The following TSC2 variants were observed in gnomAD, a reference collection of about 807,000 sequenced individuals.
TSC2 encodes the protein TSC complex subunit 2, also known as tuberin.
TSC2 carries 29 observed loss-of-function variants against 202.2 expected under a neutral mutation model. The observed-to-expected ratio is 0.14, with a 90% confidence interval of 0.11 to 0.20. The LOEUF (loss-of-function observed/expected upper bound fraction) is 0.20. TSC2 is among the 10% of genes least tolerant of loss of function. TSC2 has a pLI of 1.00. For missense variants in TSC2, 2,429 were observed against 2,420.0 expected (o/e 1.00, Z -0.08); for synonymous variants, 1,349 against 1,044.0 (o/e 1.29, Z -5.63).
intron 12 of TSC2, 132 bp from the exon 13 acceptor site, chr16:2,062,365 G>T (rs890282483): frequency 3.5e-5 from 30 of 868,340 alleles, no homozygotes; most frequent in Non-Finnish European, 5.2e-5. Flanking sequence ...GTGCCTTTGT[G>T]TCTGGGCTGT....
At chr16:2,086,057 T>C (rs907800914) in intron 36 of TSC2, 136 bp from the exon 37 acceptor site, 19 of 1,009,920 alleles carry the variant, frequency 1.9e-5, no homozygotes, top group Non-Finnish European at 2.5e-5. Flanking sequence ...CCTGGGTGGC[T>C]GCTGGAATGG....
intron 12 of TSC2, 38 bp from the exon 13 acceptor site, chr16:2,062,459 G>A (rs1192415740): frequency 2.6e-6 from 4 of 1,567,570 alleles, no homozygotes; most frequent in African/African-American, 1.4e-5. Context: ...GAGAGCGCCG[G>A]AGGGGCAGAG....
In TSC2 at chr16:2,080,159, C is replaced by T. The variant is rs1555511284; in HGVS notation, c.3398-6C>T. The T allele has an allele frequency of 6.2e-7, 1 of 1,612,914 alleles. No homozygotes were observed. The highest frequency in any genetic ancestry group is 1.7e-4 in the Middle Eastern group (1 of 6,060). On this transcript the variant is annotated splice_polypyrimidine_tract_variant and splice_region_variant and intron_variant, in intron 29 of 41. Transcript: ENST00000219476. ...GTGGTCACCAGTCCTCTGCCCTCTTCTTCAGGGGGCCATGGTCTTCGAGTT... is the reference window on the plus strand; with the variant it reads ...GTGGTCACCAGTCCTCTGCCCTCTTTTTCAGGGGGCCATGGTCTTCGAGTT...
At chr16:2,072,731 C>A (rs1202320507) in intron 20 of TSC2, 118 bp from the exon 21 acceptor site, 3 of 1,546,030 alleles carry the variant, frequency 1.9e-6, no homozygotes, top group African/African-American at 2.7e-5. Context: ...GGCAAGAAGG[C>A]TCCCCAGCCC....
chr16:2,077,616 C>A lies in TSC2; in HGVS notation c.2856C>A (p.Pro952=), dbSNP rs876660401. ...CCGATAGTCTGAGGATAGCCAGACC[C>A]CCCAAACAAGGCTTGAATAACTCTC... ...ERPKSLRIAR[P]PKQGLNNSPP... The change falls in exon 26 of 42, where the codon CCC becomes CCA. Residue 952 remains proline, a synonymous_variant. Coordinates refer to ENST00000219476, the MANE Select transcript of TSC2 (RefSeq NM_000548.5). The A allele has an allele frequency of 1.2e-6, 2 of 1,613,208 alleles. No homozygotes were observed. The highest frequency in any genetic ancestry group is 2.2e-5 in the South Asian group (2 of 91,084).
rs2091230387 is a variant in TSC2 at position 2,088,652 on chromosome 16, C to CCTGT, written c.*44_*47dup. The CCTGT allele has an allele frequency of 4.4e-6, 7 of 1,575,382 alleles. No individual in the cohort carries two copies. The highest frequency in any genetic ancestry group is 2.7e-5 in the African/African-American group (2 of 73,988). On this transcript the variant is annotated 3_prime_UTR_variant, in exon 42 of 42. Coordinates refer to ENST00000219476, the MANE Select transcript of TSC2 (RefSeq NM_000548.5). ...CCTGCACTGGCCTTGGACGGTATTG[C>CCTGT]CTGTCAGTGAAATAAATAAAGTCCT...
At chr16:2,083,312 G>A (rs569312295) in intron 32 of TSC2, 67 of 460,922 alleles carry the variant, frequency 1.5e-4, no homozygotes, top group East Asian at 2.4e-4. Flanking sequence ...CCCACGTCAC[G>A]GAGTCTCCGC....
chr16:2,054,242 A>G, intron 4 of TSC2, 54 bp from the exon 5 acceptor site: 1 of 1,613,352 alleles, frequency 6.2e-7, no homozygotes, highest in Admixed American at 1.7e-5. Flanking sequence ...ACTTCTTGGC[A>G]GCCGTGTGGG....
At position 2,076,446 on chromosome 16, in the gene TSC2, C is replaced by G. The variant is rs781529854; in HGVS notation, c.2743-45C>G. 2.5e-6 allele frequency: 4 copies of G among 1,609,428 alleles called. No individual in the cohort carries two copies. In the East Asian group the frequency reaches 6.7e-5, roughly 27 times the overall value. On this transcript the variant is annotated intron_variant, in intron 24 of 41. Transcript: ENST00000219476. ...CGGCAGGCCTGGTGAGGGCCTCCAG[C>G]CCCCATTGCCACCCCTCACTGTCTG...
intron 25 of TSC2, 179 bp from the exon 26 acceptor site, chr16:2,077,419 C>G (rs757712280): frequency 8.2e-6 from 7 of 854,132 alleles, no homozygotes; most frequent in Non-Finnish European, 1.3e-5. Flanking sequence ...TTTTTGTTTT[C>G]TGTCTCTTCC....
chr16:2,052,114 G>A (rs2085200950), intron 3 of TSC2, among the ~76,000 whole-genome samples: 1 of 152,048 alleles, frequency 6.6e-6, no homozygotes, highest in African/African-American at 2.4e-5. Flanking sequence ...AAAGTTGTTT[G>A]TGTGGGTACG....
rs137854278 is a variant in TSC2 at position 2,082,516 on chromosome 16, CAG to C, written c.3883+15_3883+16del. ...CGTTTCCTGGGCAGGTATCGCCTCT[CAG>C]AGGGAAGCGGTTGGCTGCAGAGCGC... On this transcript the variant is annotated intron_variant, in intron 32 of 41. Coordinates refer to ENST00000219476, the MANE Select transcript of TSC2 (RefSeq NM_000548.5). The C allele has an allele frequency of 2.2e-4, 355 of 1,610,314 alleles. No individual in the cohort carries two copies. Among genetic ancestry groups the C allele is most frequent in the Middle Eastern group, 1.3e-3 (8 of 6,062 alleles).
rs966007423 is a variant in TSC2, at chr16:2,086,180, C to A, written c.4663-13C>A. 3 of 1,611,800 alleles carry A rather than the reference C, an allele frequency of 1.9e-6. No homozygotes were observed. The African/African-American group carries it at 4.0e-5, about 21-fold the overall frequency. On this transcript the variant is annotated splice_polypyrimidine_tract_variant and intron_variant, in intron 36 of 41. Transcript: ENST00000219476. ...GGGAGTGATGCCACCCTGCCTCTCC[C>A]CTCTCCCCACAGAGCAACAGCGAGC...
intron 20 of TSC2, 103 bp downstream of exon 20, chr16:2,072,466 C>A: frequency 6.6e-7 from 1 of 1,521,964 alleles, no homozygotes. Flanking sequence ...CGGGCTCGGG[C>A]TCCATTTCCC....
At position 2,054,117 on chromosome 16, in the gene TSC2, C is replaced by T. The variant is rs1374413759; in HGVS notation, c.337-179C>T. 5 of 951,354 alleles carry T rather than the reference C, an allele frequency of 5.3e-6. No individual in the cohort carries two copies. In the Admixed American group the frequency reaches 9.4e-5, roughly 18 times the overall value. 58.9% of individuals were successfully genotyped at this position (951,354 alleles called of 1,614,324 possible). A position where few individuals can be genotyped will look rare whatever the true frequency, so the allele number is the denominator to read the frequency against. ...TACGCCGCTCTGCGGTCGGCCGGTG[C>T]ATCCGGCCCCCTGCCCTGTACAATG... is the stretch of plus-strand genomic sequence containing the variant. On this transcript the variant is annotated intron_variant, in intron 4 of 41. Transcript: ENST00000219476.
intron 25 of TSC2, 179 bp from the exon 26 acceptor site, chr16:2,077,419 C>T: frequency 1.1e-5 from 9 of 854,230 alleles, no homozygotes; most frequent in Middle Eastern, 3.7e-4. Context: ...TTTTTGTTTT[C>T]TGTCTCTTCC....
chr16:2,058,859 C>A lies in TSC2; in HGVS notation c.961C>A (p.Pro321Thr), dbSNP rs2151109725. 6.2e-7 allele frequency: 1 copy of A among 1,608,454 alleles called. No individual in the cohort carries two copies. ...SLRNSPTSVL[P>T]SFYQAMACPN... ...CAGGAACTCGCCGACATCTGTGTTG[C>A]CATCATTTTACCAGGTAAGGCGGTT... Residue 321 changes from proline (P) to threonine (T), a missense_variant, in exon 10 of 42, where the codon CCA (proline) becomes ACA (threonine). Pro to Thr is a conservative substitution (Grantham distance 38, BLOSUM62 -1). Coordinates refer to ENST00000219476, the MANE Select transcript of TSC2 (RefSeq NM_000548.5).
At chr16:2,071,251 C>A in intron 17 of TSC2, 1 of 565,766 alleles carries the variant, frequency 1.8e-6, no homozygotes, top group Non-Finnish European at 3.2e-6. Context: ...CCTTCCATCC[C>A]AGGCGGGCCC....
intron 16 of TSC2, among the ~76,000 whole-genome samples, chr16:2,067,243 T>C (rs1171714350): frequency 6.6e-6 from 1 of 151,970 alleles, no homozygotes; most frequent in African/African-American, 2.4e-5. Flanking sequence ...AGTGCAGCCT[T>C]GAACTCCTGT....
Sources: gnomAD v4.1 joint callset for allele counts (sites outside exome capture counted in the v4.1 genomes callset) on GRCh38, gnomAD v4.1.1 for gene constraint, MANE v1.5 for transcripts, NCBI Gene and HGNC (gene_info 2026-07-23, HGNC 2026-07-21) for gene names.